Variants in NAA15 observed in about 807,000 individuals in gnomAD.
NAA15 encodes N-alpha-acetyltransferase 15, NatA auxiliary subunit.
NAA15 carries 34 observed loss-of-function variants against 114.0 expected under a neutral mutation model. The ratio of observed to expected loss-of-function variants is 0.30; its 90% CI spans 0.23 to 0.40. NAA15 has a LOEUF of 0.40. Among genes scored for constraint, NAA15 ranks in the 10% least tolerant of loss-of-function variants. The probability of loss-of-function intolerance (pLI) is 1.00; values close to 1 mark genes in which losing one functional copy is unlikely to be tolerated. For synonymous variants in NAA15, 340 were observed against 338.0 expected, an observed-to-expected ratio of 1.01 and a Z score of -0.06; for missense variants, 658 against 1,004.5, an observed-to-expected ratio of 0.66 and a Z score of 4.66.
At chr4:139,385,336 T>G (rs1361087370) in intron 18 of NAA15, among the ~76,000 whole-genome samples, 2 of 140,270 alleles carry the variant, frequency 1.4e-5, no homozygotes, top group Non-Finnish European at 3.0e-5. Context: ...CCTATACATT[T>G]TTTAATTTCT....
intron 16 of NAA15, among the ~76,000 whole-genome samples, chr4:139,377,940 C>T (rs565134938): frequency 6.6e-6 from 1 of 152,148 alleles, no homozygotes; most frequent in Non-Finnish European, 1.5e-5. Flanking sequence ...ATTCAGTTTG[C>T]TTCTTGGCTG....
chr4:139,331,900 A>G (rs1445481715), intron 1 of NAA15, among the ~76,000 whole-genome samples: 2 of 152,056 alleles, frequency 1.3e-5, no homozygotes, highest in Non-Finnish European at 2.9e-5. Flanking sequence ...GTTAATACCT[A>G]TTATTTAGGC....
chr4:139,318,125 A>G (rs1746474794), intron 1 of NAA15, among the ~76,000 whole-genome samples: 1 of 152,194 alleles, frequency 6.6e-6, no homozygotes, highest in Non-Finnish European at 1.5e-5. Flanking sequence ...AAAGATAAAG[A>G]CCAATGACGC....
intron 1 of NAA15, among the ~76,000 whole-genome samples, chr4:139,309,592 A>G (rs2110830779): frequency 6.6e-6 from 1 of 151,906 alleles, no homozygotes; most frequent in South Asian, 2.1e-4. Context: ...TTACTTTTTA[A>G]TTTTTGTCTT....
rs1352309412 is a variant in NAA15 at position 139,361,636 on chromosome 4, A to G, written c.1540-88A>G. The G allele has an allele frequency of 2.5e-5, 19 of 774,610 alleles. No individual in the cohort carries two copies. The East Asian group carries it at 4.5e-4, about 18-fold the overall frequency. 48.0% of individuals were successfully genotyped at this position (774,610 alleles called of 1,614,324 possible). A position where few individuals can be genotyped will look rare whatever the true frequency, so the allele number is the denominator to read the frequency against. On this transcript the variant is annotated intron_variant, in intron 13 of 19. Transcript: ENST00000296543. ...AATTTTACTAGTTTTTTTCATGCCA[A>G]AGTAACAAGTATTCCAATGCTTTGA...
At chr4:139,364,923 CT>C (rs1323255830) in intron 14 of NAA15, among the ~76,000 whole-genome samples, 1 of 152,006 alleles carries the variant, frequency 6.6e-6, no homozygotes, top group African/African-American at 2.4e-5. Flanking sequence ...CCCCTTATGT[CT>C]TCTGGTATGG....
At chr4:139,323,681 C>G (rs4574351) in intron 1 of NAA15, among the ~76,000 whole-genome samples, 43,191 of 152,084 alleles carry the variant, frequency 0.28, 6,586 homozygotes, top group African/African-American at 0.39. Context: ...CTTCTAGAGA[C>G]AAATAGGGAT....
At chr4:139,356,332 T>C (rs1747947843) in intron 10 of NAA15, among the ~76,000 whole-genome samples, 1 of 152,208 alleles carries the variant, frequency 6.6e-6, no homozygotes, top group Non-Finnish European at 1.5e-5. Flanking sequence ...TTGTTTTTCC[T>C]AGGAGTTCTG....
intron 3 of NAA15, among the ~76,000 whole-genome samples, chr4:139,338,351 A>G (rs1747266606): frequency 6.6e-6 from 1 of 152,238 alleles, no homozygotes; most frequent in South Asian, 2.1e-4. Flanking sequence ...TTCAAATAAA[A>G]TTTGTAATAT....
At chr4:139,322,395 C>A (rs565993830) in intron 1 of NAA15, among the ~76,000 whole-genome samples, 36 of 152,158 alleles carry the variant, frequency 2.4e-4, no homozygotes, top group Non-Finnish European at 4.4e-4. Flanking sequence ...TCCAATAAAC[C>A]TCTTTGTTTT....
At chr4:139,370,682 T>C (rs1374486301) in intron 15 of NAA15, among the ~76,000 whole-genome samples, 1 of 152,198 alleles carries the variant, frequency 6.6e-6, no homozygotes, top group Non-Finnish European at 1.5e-5. Context: ...AGATATTAGC[T>C]CTTATATTTT....
intron 14 of NAA15, among the ~76,000 whole-genome samples, chr4:139,365,902 T>C (rs1748267155): frequency 6.6e-6 from 1 of 152,190 alleles, no homozygotes; most frequent in East Asian, 1.9e-4. Context: ...ATCTATCATG[T>C]AGCAAGGCTA....
At position 139,349,549 on chromosome 4, in the gene NAA15, A is replaced by G; in HGVS notation, c.779A>G (p.Tyr260Cys). ...LQERNPENWAYYKGLEKALKP... is the reference protein window; with the variant it reads ...LQERNPENWACYKGLEKALKP... ...GAGAGAAATCCTGAAAACTGGGCCT[A>G]TTACAAAGGCTTGGAAAAAGCACTC... Residue 260 changes from tyrosine (Y) to cysteine (C), a missense_variant, in exon 7 of 20, where the codon TAT (tyrosine) becomes TGT (cysteine). Transcript: ENST00000296543. 6.2e-7 allele frequency: 1 copy of G among 1,611,750 alleles called. No individual in the cohort carries two copies. The highest frequency in any genetic ancestry group is 8.5e-7 in the Non-Finnish European group (1 of 1,179,428).
chr4:139,322,177 G>A (rs764905651), intron 1 of NAA15, among the ~76,000 whole-genome samples: 3 of 152,134 alleles, frequency 2.0e-5, no homozygotes, highest in Non-Finnish European at 4.4e-5. Context: ...CGTGTTGTGG[G>A]AGGGACCTGG....
chr4:139,347,159 G>C lies in NAA15; in HGVS notation c.692-2303G>C, dbSNP rs1003871625. 3.3e-5 allele frequency among the ~76,000 whole-genome samples: 5 copies of C among 152,096 alleles called. 1 individual carries two copies. Among genetic ancestry groups the C allele is most frequent in the Admixed American group, 2.6e-4 (4 of 15,274 alleles). ...TAACCTTGGCGCTGTTGACATTTTG[G>C]GCCTGAGTTGTTGAGGGTGGAGATC... On this transcript the variant is annotated intron_variant, in intron 6 of 19. Transcript: ENST00000296543.
At chr4:139,311,763 T>C (rs1239216014) in intron 1 of NAA15, among the ~76,000 whole-genome samples, 7 of 151,842 alleles carry the variant, frequency 4.6e-5, no homozygotes, top group Admixed American at 3.9e-4. Context: ...GACCACTATA[T>C]ATGATATTAA....
At chr4:139,342,793 T>G (rs1252578773) in intron 4 of NAA15, 33 bp from the exon 5 acceptor site, 2 of 1,597,106 alleles carry the variant, frequency 1.3e-6, no homozygotes, top group Non-Finnish European at 1.7e-6. Flanking sequence ...ACTAAAAGCC[T>G]AAGAAAAAGT....
chr4:139,328,974 A>G (rs532261261), intron 1 of NAA15, among the ~76,000 whole-genome samples: 3 of 151,248 alleles, frequency 2.0e-5, no homozygotes, highest in Admixed American at 6.6e-5. Flanking sequence ...GGTTCAAGCA[A>G]TTATCCTGCC....
chr4:139,358,800 C>G (rs1295015710), intron 11 of NAA15, among the ~76,000 whole-genome samples: 1 of 152,096 alleles, frequency 6.6e-6, no homozygotes, highest in East Asian at 1.9e-4. Flanking sequence ...CCTTTTATGA[C>G]TTTCACATTT....
Sources: gnomAD v4.1 joint callset for allele counts (sites outside exome capture counted in the v4.1 genomes callset) on GRCh38, gnomAD v4.1.1 for gene constraint, MANE v1.5 for transcripts, NCBI Gene and HGNC (gene_info 2026-07-23, HGNC 2026-07-21) for gene names.